NCALD: variants seen among roughly 807,000 people sequenced by gnomAD.
NCALD encodes the protein neurocalcin delta.
NCALD carries 10 observed loss-of-function variants against 18.6 expected under a neutral mutation model. The observed-to-expected ratio is 0.54, with a 90% CI of 0.33 to 0.91. The LOEUF (loss-of-function observed/expected upper bound fraction) is 0.91. NCALD is among the 40% of genes least tolerant of loss of function. The pLI is 0.03. For synonymous variants in NCALD, 88 were observed against 87.4 expected (o/e 1.01, Z -0.04); for missense variants, 184 against 247.6 (o/e 0.74, Z 1.72).
intron 2 of NCALD, among the ~76,000 whole-genome samples, chr8:101,928,664 G>A (rs1818428417): frequency 6.6e-6 from 1 of 151,186 alleles, no homozygotes; most frequent in Admixed American, 6.6e-5. Flanking sequence ...ACTTTCAGGA[G>A]TTTTTTCCTT....
At chr8:101,824,058 T>C (rs953043870) in intron 4 of NCALD, among the ~76,000 whole-genome samples, 6 of 152,230 alleles carry the variant, frequency 3.9e-5, no homozygotes, top group African/African-American at 1.4e-4. Context: ...GAAACTTCTA[T>C]ATCCAGTCAA....
intron 2 of NCALD, among the ~76,000 whole-genome samples, chr8:101,988,902 G>GCAA (rs1820932537): frequency 1.5e-5 from 1 of 66,102 alleles, no homozygotes; most frequent in South Asian, 5.6e-4. Flanking sequence ...GGTGCCAGCA[G>GCAA]AAAAAAAAAA....
intron 1 of NCALD, among the ~76,000 whole-genome samples, chr8:102,042,260 T>C (rs1823073211): frequency 6.6e-6 from 1 of 151,888 alleles, no homozygotes; most frequent in African/African-American, 2.4e-5. Flanking sequence ...AATATCAAAG[T>C]CAGAGACAAG....
chr8:101,974,762 A>G (rs1245745006), intron 2 of NCALD, among the ~76,000 whole-genome samples: 1 of 152,240 alleles, frequency 6.6e-6, no homozygotes, highest in East Asian at 1.9e-4. Flanking sequence ...GGTAACTGCT[A>G]TTCTAGAAAT....
At chr8:102,116,538 A>T (rs754410456) in intron 1 of NCALD, among the ~76,000 whole-genome samples, 25 of 152,278 alleles carry the variant, frequency 1.6e-4, no homozygotes, top group Non-Finnish European at 3.5e-4. Flanking sequence ...GCTGGAGTGC[A>T]GTGGGGTCAA....
intron 1 of NCALD, among the ~76,000 whole-genome samples, chr8:101,790,227 C>T (rs1445061546): frequency 2.6e-5 from 4 of 152,174 alleles, no homozygotes; most frequent in Non-Finnish European, 5.9e-5. Flanking sequence ...CAATTGCATG[C>T]ACACATGTAA....
intron 4 of NCALD, among the ~76,000 whole-genome samples, chr8:101,872,828 T>A (rs578603): frequency 0.28 from 42,408 of 151,954 alleles, 6,257 homozygotes; most frequent in East Asian, 0.39. Context: ...TAGAGCATGA[T>A]CCCAATAGCA....
At chr8:101,772,880 A>G (rs1179192764) in intron 1 of NCALD, among the ~76,000 whole-genome samples, 1 of 152,216 alleles carries the variant, frequency 6.6e-6, no homozygotes, top group Non-Finnish European at 1.5e-5. Flanking sequence ...GTCATGGTCC[A>G]TCCCCATTTT....
At chr8:101,755,581 C>T (rs1810843895) in intron 1 of NCALD, among the ~76,000 whole-genome samples, 1 of 152,160 alleles carries the variant, frequency 6.6e-6, no homozygotes, top group Non-Finnish European at 1.5e-5. Context: ...TTTTCTATTA[C>T]TGCTTTACCC....
intron 2 of NCALD, among the ~76,000 whole-genome samples, chr8:101,961,552 T>A (rs191381353): frequency 6.6e-6 from 1 of 152,172 alleles, no homozygotes; most frequent in Non-Finnish European, 1.5e-5. Flanking sequence ...AAAGGCTGAC[T>A]GTGGTACTGC....
chr8:101,861,739 C>A (rs1815551125), intron 4 of NCALD, among the ~76,000 whole-genome samples: 1 of 152,124 alleles, frequency 6.6e-6, no homozygotes, highest in Non-Finnish European at 1.5e-5. Flanking sequence ...CATGTTATTG[C>A]ATTTCTCATA....
chr8:101,900,397 CTTT>C (rs1173895052), intron 3 of NCALD, among the ~76,000 whole-genome samples: 1 of 151,566 alleles, frequency 6.6e-6, no homozygotes, highest in Non-Finnish European at 1.5e-5. Context: ...ATATTTGGCT[CTTT>C]TTCTAGTTTC....
intron 1 of NCALD, among the ~76,000 whole-genome samples, chr8:101,751,255 A>G (rs1014793800): frequency 5.3e-5 from 8 of 152,198 alleles, no homozygotes; most frequent in African/African-American, 1.9e-4. Flanking sequence ...CAAATATTGC[A>G]TCATTCTACT....
intron 1 of NCALD, among the ~76,000 whole-genome samples, chr8:101,746,148 C>A (rs1295690512): frequency 2.0e-5 from 3 of 152,162 alleles, no homozygotes; most frequent in Admixed American, 1.3e-4. Flanking sequence ...GAGAGAAAGT[C>A]ATTGAGCCAG....
intron 1 of NCALD, among the ~76,000 whole-genome samples, chr8:102,037,644 A>ATT (rs544397089): frequency 1.1e-4 from 16 of 144,562 alleles, no homozygotes; most frequent in Admixed American, 3.4e-4. Flanking sequence ...TAATTTTCCA[A>ATT]TTTTTTTTTT....
chr8:102,108,559 C>T (rs1169572873), intron 1 of NCALD, among the ~76,000 whole-genome samples: 2 of 152,124 alleles, frequency 1.3e-5, no homozygotes, highest in African/African-American at 4.8e-5. Flanking sequence ...CCAAGGCAGC[C>T]GAGTAGATGC....
At chr8:101,899,520 G>A (rs908940716) in intron 3 of NCALD, among the ~76,000 whole-genome samples, 11 of 151,870 alleles carry the variant, frequency 7.2e-5, no homozygotes, top group South Asian at 2.1e-4. Context: ...AGCTATAGGC[G>A]TTTTCATAGA....
intron 4 of NCALD, among the ~76,000 whole-genome samples, chr8:101,802,673 A>T (rs1475914768): frequency 6.6e-6 from 1 of 152,140 alleles, no homozygotes; most frequent in Non-Finnish European, 1.5e-5. Context: ...CCTTAAGCCA[A>T]AGTCTGTTCT....
chr8:101,789,562 CTAAT>C (rs1203423749), intron 1 of NCALD, among the ~76,000 whole-genome samples: 1 of 152,078 alleles, frequency 6.6e-6, no homozygotes, highest in African/African-American at 2.4e-5. Flanking sequence ...AATTCTGAAA[CTAAT>C]AAAGAACATA....
Sources: allele counts gnomAD v4.1 joint callset (sites outside exome capture counted in the v4.1 genomes callset), GRCh38; gene constraint gnomAD v4.1.1; transcripts MANE v1.5; gene names NCBI Gene and HGNC (gene_info 2026-07-23, HGNC 2026-07-21).